PIP4K2C: variants seen among roughly 807,000 people sequenced by gnomAD.
PIP4K2C encodes the protein phosphatidylinositol 5-phosphate 4-kinase type-2 gamma.
In PIP4K2C, 21 loss-of-function variants were observed where a neutral mutation model predicts 45.0. The observed-to-expected ratio is 0.47, with a 90% CI of 0.33 to 0.67. The LOEUF (loss-of-function observed/expected upper bound fraction) is 0.67. Among genes scored for constraint, PIP4K2C ranks in the 30% least tolerant of loss-of-function variants. PIP4K2C has a pLI of 0.02. For synonymous variants in PIP4K2C, 201 were observed against 204.8 expected (o/e 0.98, Z 0.16); for missense variants, 456 against 542.8 (o/e 0.84, Z 1.59).
In PIP4K2C at chr12:57,603,018, T is replaced by A. The variant is rs1883512075; in HGVS notation, c.*1412T>A. ...CTGGCCTGTGGTGATGCAAAGCTGCTTTGCTCTGTATCTGGCTGGACTGAT... is the reference window on the plus strand; with the variant it reads ...CTGGCCTGTGGTGATGCAAAGCTGCATTGCTCTGTATCTGGCTGGACTGAT... On this transcript the variant is annotated 3_prime_UTR_variant, in exon 10 of 10. Transcript: ENST00000354947. The A allele has an allele frequency of 6.6e-6, 1 of 152,248 alleles. No homozygotes were observed. Among genetic ancestry groups the A allele is most frequent in the South Asian group, 2.1e-4 (1 of 4,826 alleles). 9.4% of individuals were successfully genotyped at this position (152,248 alleles called of 1,614,324 possible).
chr12:57,593,890 A>G (rs1883078718), intron 1 of PIP4K2C, 135 bp from the exon 2 acceptor site: 1 of 597,294 alleles, frequency 1.7e-6, no homozygotes, highest in Non-Finnish European at 2.9e-6. Flanking sequence ...CACTTCTGTC[A>G]AGCATATGCA....
Position 57,601,109 on chromosome 12 carries a change from G to A in PIP4K2C, c.1081+31G>A, listed in dbSNP as rs1743320003. The stretch of plus-strand genomic sequence containing the variant: ...AGAACCGGGACAATTTAAGGGTGGA[G>A]AGGGGATTTTTCCTGGAGGACAGAG... On this transcript the variant is annotated intron_variant, in intron 8 of 9. Transcript: ENST00000354947. 6 of 1,608,026 alleles carry A rather than the reference G, an allele frequency of 3.7e-6. No individual in the cohort carries two copies. In the African/African-American group the frequency reaches 4.0e-5, roughly 11 times the overall value.
At chr12:57,594,174 T>C (rs748133093) in intron 2 of PIP4K2C, 52 bp downstream of exon 2, 5 of 1,407,222 alleles carry the variant, frequency 3.6e-6, no homozygotes, top group Non-Finnish European at 4.9e-6. Flanking sequence ...AAAGGAGTAA[T>C]AAATAATTTT....
At position 57,603,387 on chromosome 12, in the gene PIP4K2C, A is replaced by G. The variant is rs993612275; in HGVS notation, c.*1781A>G. On this transcript the variant is annotated 3_prime_UTR_variant, in exon 10 of 10. Transcript: ENST00000354947. ...TTTATGTATTTGCTCCTGTTACTATAATAATACAGGGAATAAATTATTCAA... is the reference window on the plus strand; with the variant it reads ...TTTATGTATTTGCTCCTGTTACTATGATAATACAGGGAATAAATTATTCAA... The G allele has an allele frequency of 6.7e-6, 1 of 150,242 alleles. No individual in the cohort carries two copies. Among genetic ancestry groups the G allele is most frequent in the African/African-American group, 2.4e-5 (1 of 40,962 alleles). 9.3% of individuals were successfully genotyped at this position (150,242 alleles called of 1,614,324 possible). A position where few individuals can be genotyped will look rare whatever the true frequency, so the allele number is the denominator to read the frequency against.
chr12:57,595,357 C>A (rs1403879361), intron 3 of PIP4K2C, 135 bp downstream of exon 3: 3 of 679,420 alleles, frequency 4.4e-6, no homozygotes, highest in African/African-American at 1.8e-5. Context: ...GCAGCATTTT[C>A]AAAAATTTAA....
At chr12:57,593,161 C>T (rs116825657) in intron 1 of PIP4K2C, among the ~76,000 whole-genome samples, 2,337 of 152,142 alleles carry the variant, frequency 0.015, 27 homozygotes, top group East Asian at 0.052. Flanking sequence ...TTGAAGAGCT[C>T]ACAATCTAGA....
chr12:57,594,425 C>A (rs992664554), intron 2 of PIP4K2C, among the ~76,000 whole-genome samples: 1 of 152,084 alleles, frequency 6.6e-6, no homozygotes, highest in Non-Finnish European at 1.5e-5. Flanking sequence ...CTGACAGGGA[C>A]TCCTTGAAAG....
intron 1 of PIP4K2C, 130 bp from the exon 2 acceptor site, chr12:57,593,895 T>C: frequency 1.6e-6 from 1 of 607,544 alleles, no homozygotes; most frequent in East Asian, 2.8e-5. Context: ...CTGTCAAGCA[T>C]ATGCATAGCC....
At chr12:57,598,563 A>G (rs1293498003) in intron 4 of PIP4K2C, among the ~76,000 whole-genome samples, 5 of 96,040 alleles carry the variant, frequency 5.2e-5, no homozygotes, top group African/African-American at 6.6e-5. Flanking sequence ...GTAGGCCATC[A>G]TGCAGACTTT....
chr12:57,600,364 A>G lies in PIP4K2C; in HGVS notation c.740A>G (p.Asn247Ser), dbSNP rs1368530131. The G allele has an allele frequency of 5.6e-6, 9 of 1,610,834 alleles. No individual in the cohort carries two copies. The South Asian group carries it at 8.8e-5, about 16-fold the overall frequency. ...LPTLKDMDFLNKNQKVYIGEE... is the reference protein window; with the variant it reads ...LPTLKDMDFLSKNQKVYIGEE... ...ACCCTTAAGGATATGGACTTTCTCA[A>G]CAAGAACCAGAAAGTATATATTGGT... The change falls in exon 7 of 10, where the codon AAC (asparagine) becomes AGC (serine). Residue 247 changes from asparagine to serine, a missense_variant. Physicochemically the swap from Asn to Ser is conservative, Grantham distance 46. Transcript: ENST00000354947.
chr12:57,599,417 G>A lies in PIP4K2C; in HGVS notation c.678G>A (p.Arg226=). Reference sequence around the variant, plus strand: ...TTCTGCAGGGTTCCCTAGTGTCCCGGGAAGCCAGCGATAAGGAAAAGGTGA... The same window carrying A: ...TTCTGCAGGGTTCCCTAGTGTCCCGAGAAGCCAGCGATAAGGAAAAGGTGA... The part of the protein sequence containing the change: ...KYDLKGSLVS[R]EASDKEKVKE... The change falls in exon 6 of 10, where the codon CGG becomes CGA. Residue 226 remains arginine, a synonymous_variant. Transcript: ENST00000354947. The A allele has an allele frequency of 6.2e-7, 1 of 1,614,144 alleles. No individual in the cohort carries two copies. Among genetic ancestry groups the A allele is most frequent in the African/African-American group, 1.3e-5 (1 of 75,022 alleles).
rs781565216 is a variant in PIP4K2C, at chr12:57,595,900, C to T, written c.382C>T (p.Arg128Ter). Residue 128 changes from arginine to a stop codon, truncating the protein, a stop_gained, in exon 4 of 10, where the codon CGA becomes TGA. Coordinates refer to ENST00000354947, the MANE Select transcript of PIP4K2C (RefSeq NM_024779.5). LOFTEE classifies it high-confidence loss of function. ...TCTGTGTCCCCAGGTGTCCCTTACC[C>T]GAAACCCCCCCAGCGAAAGTGAAGG... is the stretch of plus-strand genomic sequence containing the variant. ...DDQDYLVSLT[R>*]NPPSESEGSD... The T allele has an allele frequency of 2.2e-5, 36 of 1,613,964 alleles. No homozygotes were observed. The highest frequency in any genetic ancestry group is 1.7e-4 in the Middle Eastern group (1 of 6,058).
chr12:57,595,147 C>G lies in PIP4K2C; in HGVS notation c.294C>G (p.Phe98Leu). The G allele has an allele frequency of 6.2e-7, 1 of 1,609,432 alleles. No homozygotes were observed. The highest frequency in any genetic ancestry group is 1.1e-5 in the South Asian group (1 of 90,930). The change falls in exon 3 of 10, where the codon TTC (phenylalanine) becomes TTG (leucine). Residue 98 changes from phenylalanine to leucine, a missense_variant. Coordinates refer to ENST00000354947, the MANE Select transcript of PIP4K2C (RefSeq NM_024779.5). ...LFHRENLPSH[F>L]KFKEYCPQVF... ...TCAGGGAAAATCTGCCCAGTCATTTCAAGTTCAAGGAGTATTGTCCCCAGG... is the reference window on the plus strand; with the variant it reads ...TCAGGGAAAATCTGCCCAGTCATTTGAAGTTCAAGGAGTATTGTCCCCAGG...
chr12:57,593,950 C>T, intron 1 of PIP4K2C, 75 bp from the exon 2 acceptor site: 1 of 1,089,710 alleles, frequency 9.2e-7, no homozygotes, highest in Non-Finnish European at 1.4e-6. Context: ...TGCATGACTG[C>T]TGCCCAGACA....
At chr12:57,598,970 G>C in intron 4 of PIP4K2C, 95 bp from the exon 5 acceptor site, 2 of 1,368,742 alleles carry the variant, frequency 1.5e-6, no homozygotes, top group Non-Finnish European at 2.0e-6. Flanking sequence ...GAAGTCCTCT[G>C]CTCTACCCTG....
At chr12:57,591,566 C>A in intron 1 of PIP4K2C, 103 bp downstream of exon 1, 1 of 1,338,918 alleles carries the variant, frequency 7.5e-7, no homozygotes, top group Non-Finnish European at 1.0e-6. Context: ...CAGTGCCACT[C>A]CCCTCCCCCG....
Position 57,599,050 on chromosome 12 carries a change from C to T in PIP4K2C, c.514-15C>T. ...ACTCAGCCTCTCCCCATTCCTTCCC[C>T]CTCTTTCACTGTAGTACATTGTGAA... On this transcript the variant is annotated splice_polypyrimidine_tract_variant and intron_variant, in intron 4 of 9. Transcript: ENST00000354947. 2 of 1,612,444 alleles carry T rather than the reference C, an allele frequency of 1.2e-6. No individual in the cohort carries two copies. The highest frequency in any genetic ancestry group is 1.1e-5 in the South Asian group (1 of 90,878).
In PIP4K2C at chr12:57,594,095, T is replaced by A; in HGVS notation, c.245T>A (p.Ile82Asn). The A allele has an allele frequency of 6.2e-7, 1 of 1,614,040 alleles. No homozygotes were observed. Among genetic ancestry groups the A allele is most frequent in the Non-Finnish European group, 8.5e-7 (1 of 1,179,980 alleles). ...LPDDFKASSK[I>N]KVNNHLFHRE... ...GATGACTTTAAGGCCAGCTCCAAGA[T>A]CAAGGTCAACAATCACCTTTTCCAC... The change falls in exon 2 of 10, where the codon ATC (isoleucine) becomes AAC (asparagine). Residue 82 changes from isoleucine to asparagine, a missense_variant. By Grantham distance (149) the Ile-to-Asn change is moderately radical. This residue lies in a region of PIP4K2C where 421 missense variants were observed against 473.1 expected (regional missense o/e 0.89). Coordinates refer to ENST00000354947, the MANE Select transcript of PIP4K2C (RefSeq NM_024779.5).
intron 1 of PIP4K2C, 147 bp downstream of exon 1, chr12:57,591,610 G>A (rs1882961851): frequency 6.9e-6 from 6 of 872,696 alleles, no homozygotes; most frequent in Non-Finnish European, 1.0e-5. Context: ...AACCCCAGGT[G>A]TTCCCCCAGC....
Sources: gnomAD v4.1 joint callset for allele counts (sites outside exome capture counted in the v4.1 genomes callset) on GRCh38, gnomAD v4.1.1 for gene constraint, gnomAD v4.1.1 regional missense constraint, MANE v1.5 for transcripts, NCBI Gene and HGNC (gene_info 2026-07-23, HGNC 2026-07-21) for gene names.